The following LEMD3 variants were observed in gnomAD, a reference collection of about 807,000 sequenced individuals.
LEMD3 encodes the protein LEM domain containing 3, also known as inner nuclear membrane protein Man1.
Under a neutral mutation model 95.2 loss-of-function variants are expected in LEMD3, and 33 were observed. That is an observed-to-expected ratio of 0.35 (90% CI 0.26 to 0.46). The LOEUF is 0.46. Among genes scored for constraint, LEMD3 ranks in the 20% least tolerant of loss-of-function variants. LEMD3 has a pLI of 1.00. For synonymous variants in LEMD3, 525 were observed against 474.6 expected (o/e 1.11, Z -1.38); for missense variants, 1,210 against 1,192.8 (o/e 1.01, Z -0.21).
At chr12:65,221,172 C>G (rs966960190) in intron 4 of LEMD3, among the ~76,000 whole-genome samples, 2 of 124,470 alleles carry the variant, frequency 1.6e-5, no homozygotes, top group Non-Finnish European at 3.3e-5. Flanking sequence ...TCTTTTATTT[C>G]ATTCAGCTTT....
At chr12:65,179,342 A>C (rs1868830425) in intron 1 of LEMD3, among the ~76,000 whole-genome samples, 1 of 152,100 alleles carries the variant, frequency 6.6e-6, no homozygotes, top group South Asian at 2.1e-4. Flanking sequence ...AATTATTTTC[A>C]TGATTCCTAA....
intron 1 of LEMD3, among the ~76,000 whole-genome samples, chr12:65,207,902 A>T (rs1284537249): frequency 6.6e-6 from 1 of 152,178 alleles, no homozygotes; most frequent in Non-Finnish European, 1.5e-5. Context: ...AACAGTTTAC[A>T]TTTGAGAAAA....
chr12:65,191,254 A>G (rs1869230466), intron 1 of LEMD3, among the ~76,000 whole-genome samples: 1 of 152,152 alleles, frequency 6.6e-6, no homozygotes, highest in Non-Finnish European at 1.5e-5. Context: ...CTTTCAGGAA[A>G]GCATCAGAGT....
At chr12:65,211,927 A>G (rs1043305206) in intron 2 of LEMD3, among the ~76,000 whole-genome samples, 5 of 152,206 alleles carry the variant, frequency 3.3e-5, no homozygotes, top group African/African-American at 9.6e-5. Flanking sequence ...GTGGCTGTTT[A>G]CTTATATTAA....
At chr12:65,200,975 G>A (rs1320839423) in intron 1 of LEMD3, among the ~76,000 whole-genome samples, 2 of 152,134 alleles carry the variant, frequency 1.3e-5, no homozygotes, top group Non-Finnish European at 2.9e-5. Flanking sequence ...TAAGTTTTGG[G>A]ACGGGTATAA....
intron 1 of LEMD3, among the ~76,000 whole-genome samples, chr12:65,186,647 T>C (rs1869074010): frequency 6.6e-6 from 1 of 151,474 alleles, no homozygotes; most frequent in Non-Finnish European, 1.5e-5. Flanking sequence ...TTTTTTTTTT[T>C]TTTCGACACC....
chr12:65,199,065 C>G (rs940861917), intron 1 of LEMD3, among the ~76,000 whole-genome samples: 1 of 152,080 alleles, frequency 6.6e-6, no homozygotes, highest in African/African-American at 2.4e-5. Flanking sequence ...GCAGGCAATT[C>G]ATTATTAACT....
At position 65,170,093 on chromosome 12, in the gene LEMD3, AG is replaced by A; in HGVS notation, c.498del (p.Gln166HisfsTer17). On this transcript the variant is annotated frameshift_variant, in exon 1 of 13. Coordinates refer to ENST00000308330, the MANE Select transcript of LEMD3 (RefSeq NM_014319.5). LOFTEE classifies it high-confidence loss of function. ...GGGRKDRASLQYRGLKAPPAP... is the reference protein window; with the variant it reads ...GGGRKDRASLXYRGLKAPPAP... The stretch of plus-strand genomic sequence containing the variant: ...GGGAGGAAAGACCGGGCTTCGCTCC[AG>A]TACCGCGGGCTCAAAGCGCCGCCGG... The A allele has an allele frequency of 6.8e-7, 1 of 1,471,856 alleles. No individual in the cohort carries two copies. Among genetic ancestry groups the A allele is most frequent in the Non-Finnish European group, 8.9e-7 (1 of 1,120,594 alleles). The allele number at this position is 1,471,856 out of a possible 1,614,324, so 91.2% of individuals were successfully genotyped here.
chr12:65,191,221 A>C (rs1198264065), intron 1 of LEMD3, among the ~76,000 whole-genome samples: 1 of 152,088 alleles, frequency 6.6e-6, no homozygotes, highest in Non-Finnish European at 1.5e-5. Flanking sequence ...GAAACACTTT[A>C]GGATTATAGT....
At chr12:65,175,892 C>CT (rs952767398) in intron 1 of LEMD3, among the ~76,000 whole-genome samples, 55 of 152,280 alleles carry the variant, frequency 3.6e-4, no homozygotes, top group African/African-American at 1.3e-3. Flanking sequence ...GTTAATGGTG[C>CT]TTCCATCCAC....
chr12:65,205,752 A>G (rs1221587794), intron 1 of LEMD3, among the ~76,000 whole-genome samples: 1 of 152,116 alleles, frequency 6.6e-6, no homozygotes, highest in Admixed American at 6.6e-5. Context: ...TCAGATCAAT[A>G]GGTGGGATTA....
At chr12:65,236,738 CATATTCT>C (rs1437673986) in intron 4 of LEMD3, among the ~76,000 whole-genome samples, 20 of 151,882 alleles carry the variant, frequency 1.3e-4, no homozygotes, top group Non-Finnish European at 2.4e-4. Flanking sequence ...AAAAATTGGA[CATATTCT>C]AAATGTTCAT....
At chr12:65,217,291 A>G (rs1870139744) in intron 3 of LEMD3, among the ~76,000 whole-genome samples, 1 of 152,232 alleles carries the variant, frequency 6.6e-6, no homozygotes, top group Non-Finnish European at 1.5e-5. Flanking sequence ...GCTTGGCTGT[A>G]TTCCAGTAAA....
At chr12:65,223,850 A>G (rs1211500568) in intron 4 of LEMD3, among the ~76,000 whole-genome samples, 1 of 69,464 alleles carries the variant, frequency 1.4e-5, no homozygotes, top group African/African-American at 5.9e-5. Flanking sequence ...TTTTTTTTGT[A>G]GTGACAAGCT....
rs149838898 is a variant in LEMD3 at position 65,225,053 on chromosome 12, G to A, written c.1695+6434G>A. Among the ~76,000 whole-genome samples the A allele has an allele frequency of 2.1e-3, 322 of 152,114 alleles. 1 individual carries two copies. Among genetic ancestry groups the A allele is most frequent in the African/African-American group, 7.5e-3 (310 of 41,508 alleles). On this transcript the variant is annotated intron_variant, in intron 4 of 12. Coordinates refer to ENST00000308330, the MANE Select transcript of LEMD3 (RefSeq NM_014319.5). Reference sequence around the variant, plus strand: ...CCCCTCTAATGAATTCTTAAATTCAGTTATTCTTTAGCTCCAAAATTTCTG... The same window carrying A: ...CCCCTCTAATGAATTCTTAAATTCAATTATTCTTTAGCTCCAAAATTTCTG...
intron 1 of LEMD3, among the ~76,000 whole-genome samples, chr12:65,198,619 C>T (rs1234994912): frequency 1.3e-5 from 2 of 151,918 alleles, no homozygotes; most frequent in Non-Finnish European, 2.9e-5. Flanking sequence ...ATTCCAGAAC[C>T]CCCACAGATA....
chr12:65,219,182 T>C (rs1870206716), intron 4 of LEMD3, among the ~76,000 whole-genome samples: 2 of 152,174 alleles, frequency 1.3e-5, no homozygotes, highest in Admixed American at 6.5e-5. Flanking sequence ...GAAATTGAGA[T>C]AGGTGAGTAG....
chr12:65,183,750 A>G (rs1356546441), intron 1 of LEMD3, among the ~76,000 whole-genome samples: 1 of 152,192 alleles, frequency 6.6e-6, no homozygotes, highest in Non-Finnish European at 1.5e-5. Flanking sequence ...GGCACTGCTC[A>G]GCCAGTGACT....
intron 4 of LEMD3, among the ~76,000 whole-genome samples, chr12:65,226,589 A>G (rs1870454910): frequency 6.6e-6 from 1 of 152,228 alleles, no homozygotes; most frequent in African/African-American, 2.4e-5. Context: ...AACAAAGAGA[A>G]ATATTGACTG....
Sources: allele counts gnomAD v4.1 joint callset (sites outside exome capture counted in the v4.1 genomes callset), GRCh38; gene constraint gnomAD v4.1.1; transcripts MANE v1.5; gene names NCBI Gene and HGNC (gene_info 2026-07-23, HGNC 2026-07-21).